HIF1AN: variants seen among roughly 807,000 people sequenced by gnomAD.
The protein encoded by HIF1AN is hypoxia inducible factor 1 subunit alpha inhibitor.
In HIF1AN, 21 loss-of-function variants were observed where a neutral mutation model predicts 47.7. The ratio of observed to expected loss-of-function variants is 0.44; its 90% CI spans 0.31 to 0.63. The LOEUF is 0.63. Ranked by LOEUF, HIF1AN falls within the 30% of genes least tolerant of loss-of-function variation. The pLI, the probability that HIF1AN is intolerant of heterozygous loss-of-function variation, is 0.07. For missense variants in HIF1AN, 320 were observed against 432.7 expected, an observed-to-expected ratio of 0.74 and a Z score of 2.31; for synonymous variants, 152 against 155.9, an observed-to-expected ratio of 0.98 and a Z score of 0.18.
intron 2 of HIF1AN, 149 bp from the exon 3 acceptor site, chr10:100,540,485 A>T: frequency 2.7e-6 from 2 of 746,442 alleles, no homozygotes. Flanking sequence ...GTTGTATGAG[A>T]ATCCATGTTG....
Position 100,551,212 on chromosome 10 carries a change from G to C in HIF1AN, c.*3075G>C, listed in dbSNP as rs949291180. The C allele has an allele frequency of 2.0e-5, 3 of 152,214 alleles. No homozygotes were observed. Among genetic ancestry groups the C allele is most frequent in the Non-Finnish European group, 4.4e-5 (3 of 68,040 alleles). The allele number at this position is 152,214 out of a possible 1,614,324, so 9.4% of individuals were successfully genotyped here. On this transcript the variant is annotated 3_prime_UTR_variant, in exon 8 of 8. Transcript: ENST00000299163. ...GGAGACCAGCTTCCCCTACAAATCA[G>C]AGCTCTAAATTACAAGGTTTTTACC...
Position 100,552,340 on chromosome 10 carries a change from C to CT in HIF1AN, c.*4205dup, listed in dbSNP as rs1373992301. The stretch of plus-strand genomic sequence containing the variant: ...CTCAGTAGGTTCCCTACCTCTGGGT[C>CT]TTCCACCCTTCAAAATCTGGTACAG... On this transcript the variant is annotated 3_prime_UTR_variant, in exon 8 of 8. Transcript: ENST00000299163. 1 of 152,194 alleles carries CT rather than the reference C, an allele frequency of 6.6e-6. No homozygotes were observed. Among genetic ancestry groups the CT allele is most frequent in the Admixed American group, 6.5e-5 (1 of 15,284 alleles). The allele number at this position is 152,194 out of a possible 1,614,324, so 9.4% of individuals were successfully genotyped here. A position where few individuals can be genotyped will look rare whatever the true frequency, so the allele number is the denominator to read the frequency against.
chr10:100,558,322 T>C lies in HIF1AN; in HGVS notation c.*10185T>C, dbSNP rs1414936806. On this transcript the variant is annotated 3_prime_UTR_variant, in exon 8 of 8. Transcript: ENST00000299163. ...TTCATCTGAAAAACTTAAGAGTTGC[T>C]AGGCACAGTCGTGCACACTTGTAAT... is the stretch of plus-strand genomic sequence containing the variant. The C allele has an allele frequency of 7.2e-5, 11 of 152,242 alleles. No individual in the cohort carries two copies. The highest frequency in any genetic ancestry group is 7.2e-4 in the Admixed American group (11 of 15,288). The allele number at this position is 152,242 out of a possible 1,614,324, so 9.4% of individuals were successfully genotyped here.
chr10:100,538,368 T>C (rs1394905723), intron 2 of HIF1AN, among the ~76,000 whole-genome samples: 34 of 152,240 alleles, frequency 2.2e-4, no homozygotes, highest in Admixed American at 1.9e-3. Flanking sequence ...TTAACCATTC[T>C]GGTGTAATCA....
At position 100,553,920 on chromosome 10, in the gene HIF1AN, A is replaced by G. The variant is rs1843190823; in HGVS notation, c.*5783A>G. ...AAATGGCTGTGGTGGTGGTGGTTAT[A>G]TTTATTATGTGATTTATTCAGAAAC... is the stretch of plus-strand genomic sequence containing the variant. On this transcript the variant is annotated 3_prime_UTR_variant, in exon 8 of 8. Transcript: ENST00000299163. The G allele has an allele frequency of 6.6e-6, 1 of 152,118 alleles. No individual in the cohort carries two copies. The highest frequency in any genetic ancestry group is 2.4e-5 in the African/African-American group (1 of 41,386). 9.4% of individuals were successfully genotyped at this position (152,118 alleles called of 1,614,324 possible). A position where few individuals can be genotyped will look rare whatever the true frequency, so the allele number is the denominator to read the frequency against.
In HIF1AN at chr10:100,552,593, A is replaced by T. The variant is rs1342824267; in HGVS notation, c.*4456A>T. 1 of 152,352 alleles carries T rather than the reference A, an allele frequency of 6.6e-6. No individual in the cohort carries two copies. Among genetic ancestry groups the T allele is most frequent in the African/African-American group, 2.4e-5 (1 of 41,438 alleles). 9.4% of individuals were successfully genotyped at this position (152,352 alleles called of 1,614,324 possible). ...GGGATGTTCCAGCCTCCCTCTCCAG[A>T]GCTGCCTGCAGTTTCCCTTATTCAG... is the stretch of plus-strand genomic sequence containing the variant. On this transcript the variant is annotated 3_prime_UTR_variant, in exon 8 of 8. Coordinates refer to ENST00000299163, the MANE Select transcript of HIF1AN (RefSeq NM_017902.3).
chr10:100,554,100 G>C lies in HIF1AN; in HGVS notation c.*5963G>C, dbSNP rs991467147. The C allele has an allele frequency of 6.6e-6, 1 of 152,192 alleles. No individual in the cohort carries two copies. The allele number at this position is 152,192 out of a possible 1,614,324, so 9.4% of individuals were successfully genotyped here. On this transcript the variant is annotated 3_prime_UTR_variant, in exon 8 of 8. Transcript: ENST00000299163. ...ACTCACCCTAGAGGAAGAGAAACAG[G>C]AAGTGTCTTATGCCTCTTCTGCCTG...
In HIF1AN at chr10:100,553,410, C is replaced by T. The variant is rs559305081; in HGVS notation, c.*5273C>T. 2.0e-5 allele frequency: 3 copies of T among 152,118 alleles called. No homozygotes were observed. Among genetic ancestry groups the T allele is most frequent in the Non-Finnish European group, 2.9e-5 (2 of 68,028 alleles). The allele number at this position is 152,118 out of a possible 1,614,324, so 9.4% of individuals were successfully genotyped here. A position where few individuals can be genotyped will look rare whatever the true frequency, so the allele number is the denominator to read the frequency against. The stretch of plus-strand genomic sequence containing the variant: ...ATCCCAGTGGTTGCTGAAAGGGAAA[C>T]AGTATATTGCGTAGTCAGATGTCAG... On this transcript the variant is annotated 3_prime_UTR_variant, in exon 8 of 8. Transcript: ENST00000299163.
At chr10:100,539,614 A>T (rs568621449) in intron 2 of HIF1AN, among the ~76,000 whole-genome samples, 115 of 152,374 alleles carry the variant, frequency 7.5e-4, no homozygotes, top group Non-Finnish European at 1.0e-4. Flanking sequence ...TTGCCCCAGC[A>T]GCTACTATCT....
rs1843188172 is a variant in HIF1AN at position 100,553,699 on chromosome 10, G to C, written c.*5562G>C. The C allele has an allele frequency of 6.6e-6, 1 of 152,206 alleles. No homozygotes were observed. The highest frequency in any genetic ancestry group is 6.5e-5 in the Admixed American group (1 of 15,288). The allele number at this position is 152,206 out of a possible 1,614,324, so 9.4% of individuals were successfully genotyped here. On this transcript the variant is annotated 3_prime_UTR_variant, in exon 8 of 8. Transcript: ENST00000299163. Reference sequence around the variant, plus strand: ...TGGATTTTGGAGTCACATATAGTTGGTTTGAATTTCTAGCTTCACTACTTA... The same window carrying C: ...TGGATTTTGGAGTCACATATAGTTGCTTTGAATTTCTAGCTTCACTACTTA...
At position 100,557,384 on chromosome 10, in the gene HIF1AN, A is replaced by G. The variant is rs1355734044; in HGVS notation, c.*9247A>G. 1 of 152,210 alleles carries G rather than the reference A, an allele frequency of 6.6e-6. No individual in the cohort carries two copies. The allele number at this position is 152,210 out of a possible 1,614,324, so 9.4% of individuals were successfully genotyped here. A position where few individuals can be genotyped will look rare whatever the true frequency, so the allele number is the denominator to read the frequency against. Reference sequence around the variant, plus strand: ...GCCAATGTGTGTGGAAATACTATGTAAACTGAGCACTATATAAATGCTGGT... The same window carrying G: ...GCCAATGTGTGTGGAAATACTATGTGAACTGAGCACTATATAAATGCTGGT... On this transcript the variant is annotated 3_prime_UTR_variant, in exon 8 of 8. Transcript: ENST00000299163.
Position 100,553,551 on chromosome 10 carries a change from T to C in HIF1AN, c.*5414T>C, listed in dbSNP as rs1398124312. On this transcript the variant is annotated 3_prime_UTR_variant, in exon 8 of 8. Coordinates refer to ENST00000299163, the MANE Select transcript of HIF1AN (RefSeq NM_017902.3). Reference sequence around the variant, plus strand: ...CCAAGAGTTTGAGTCCCATAGCTGATGAAAGAATTTACATATGGGCTCCCC... The same window carrying C: ...CCAAGAGTTTGAGTCCCATAGCTGACGAAAGAATTTACATATGGGCTCCCC... 2 of 152,208 alleles carry C rather than the reference T, an allele frequency of 1.3e-5. No homozygotes were observed. Among genetic ancestry groups the C allele is most frequent in the Non-Finnish European group, 2.9e-5 (2 of 68,032 alleles). 9.4% of individuals were successfully genotyped at this position (152,208 alleles called of 1,614,324 possible).
chr10:100,545,032 C>T lies in HIF1AN; in HGVS notation c.659C>T (p.Pro220Leu), dbSNP rs1843080503. Residue 220 changes from proline (P) to leucine (L), a missense_variant, in exon 4 of 8, where the codon CCT becomes CTT. Pro to Leu is a moderately conservative substitution (Grantham distance 98, BLOSUM62 -3). Around this residue, in one of 2 missense-constraint regions of HIF1AN, gnomAD observed 161 missense variants for 272.8 expected, o/e 0.59. Transcript: ENST00000299163. ...IKGYKRCILF[P>L]PDQFECLYPY... The stretch of plus-strand genomic sequence containing the variant: ...GGTTACAAACGATGCATCTTATTCC[C>T]TCCGGATCAGTTCGAGTGCCTCTAC... 1 of 1,614,218 alleles carries T rather than the reference C, an allele frequency of 6.2e-7. No individual in the cohort carries two copies. The highest frequency in any genetic ancestry group is 8.5e-7 in the Non-Finnish European group (1 of 1,180,038).
chr10:100,546,545 T>A lies in HIF1AN; in HGVS notation c.858T>A (p.Asn286Lys), dbSNP rs1589753478. Residue 286 changes from asparagine to lysine, a missense_variant, in exon 6 of 8, where the codon AAT becomes AAA. Coordinates refer to ENST00000299163, the MANE Select transcript of HIF1AN (RefSeq NM_017902.3). ...GGCATCACATAGAGTCATTACTAAA[T>A]GGGGGGATTACCATCACTGTGAACT... Reference protein sequence around the residue: ...YWWHHIESLLNGGITITVNFW... With the variant: ...YWWHHIESLLKGGITITVNFW... 6.3e-7 allele frequency: 1 copy of A among 1,592,384 alleles called. No homozygotes were observed. The highest frequency in any genetic ancestry group is 2.3e-5 in the East Asian group (1 of 43,608).
intron 1 of HIF1AN, 29 bp from the exon 2 acceptor site, chr10:100,536,382 G>C: frequency 6.2e-7 from 1 of 1,608,660 alleles, no homozygotes; most frequent in South Asian, 1.1e-5. Flanking sequence ...TACTTCATTT[G>C]GTGTTTTTCA....
chr10:100,546,531 G>C lies in HIF1AN; in HGVS notation c.844G>C (p.Glu282Gln). The change falls in exon 6 of 8, where the codon GAG (glutamate) becomes CAG (glutamine). Residue 282 changes from glutamate (E) to glutamine (Q), a missense_variant. This residue lies in a region of HIF1AN where 161 missense variants were observed against 272.8 expected (regional missense o/e 0.59). Transcript: ENST00000299163. ...GTTTTCTTGCAGGTGGCATCACATAGAGTCATTACTAAATGGGGGGATTAC... is the reference window on the plus strand; with the variant it reads ...GTTTTCTTGCAGGTGGCATCACATACAGTCATTACTAAATGGGGGGATTAC... ...YIPMYWWHHI[E>Q]SLLNGGITIT... 1 of 1,605,374 alleles carries C rather than the reference G, an allele frequency of 6.2e-7. No individual in the cohort carries two copies. Among genetic ancestry groups the C allele is most frequent in the Non-Finnish European group, 8.5e-7 (1 of 1,177,668 alleles).
Position 100,551,085 on chromosome 10 carries a change from C to G in HIF1AN, c.*2948C>G, listed in dbSNP as rs530233220. 8 of 152,248 alleles carry G rather than the reference C, an allele frequency of 5.3e-5. No individual in the cohort carries two copies. The highest frequency in any genetic ancestry group is 1.9e-4 in the African/African-American group (8 of 41,534). The allele number at this position is 152,248 out of a possible 1,614,324, so 9.4% of individuals were successfully genotyped here. ...TTCACACCAGCAGGTACAGAGAAAA[C>G]TAGTGTTTTGTAAAGTCAAATATTT... On this transcript the variant is annotated 3_prime_UTR_variant, in exon 8 of 8. Coordinates refer to ENST00000299163, the MANE Select transcript of HIF1AN (RefSeq NM_017902.3).
intron 3 of HIF1AN, among the ~76,000 whole-genome samples, chr10:100,541,440 TAGTTGTGA>T (rs1180542508): frequency 1.3e-5 from 2 of 152,086 alleles, no homozygotes; most frequent in Non-Finnish European, 2.9e-5. Context: ...GTCTTGTAAA[TAGTTGTGA>T]AGTTGTGAAG....
At chr10:100,542,949 C>A (rs1843057520) in intron 3 of HIF1AN, among the ~76,000 whole-genome samples, 1 of 134,088 alleles carries the variant, frequency 7.5e-6, no homozygotes, top group Non-Finnish European at 1.5e-5. Context: ...TTGTCTCATT[C>A]TTATTTTTAT....
Sources: allele counts gnomAD v4.1 joint callset (sites outside exome capture counted in the v4.1 genomes callset), GRCh38; gene constraint gnomAD v4.1.1; regional missense constraint gnomAD v4.1.1; transcripts MANE v1.5; gene names NCBI Gene and HGNC (gene_info 2026-07-23, HGNC 2026-07-21).